C13orf46: variants seen among roughly 807,000 people sequenced by gnomAD.
C13orf46 encodes chromosome 13 open reading frame 46, also known as uncharacterized protein C13orf46.
intron 6 of C13orf46, among the ~76,000 whole-genome samples, chr13:113,963,065 C>A (rs2052600058): frequency 6.6e-6 from 1 of 152,228 alleles, no homozygotes; most frequent in South Asian, 2.1e-4. Flanking sequence ...CAGCAGCAAT[C>A]CGTCAGCAAA....
rs1221546655 is a variant in C13orf46 at position 113,956,759 on chromosome 13, C to T, written c.*14G>A. 6.6e-6 allele frequency: 1 copy of T among 152,420 alleles called. No individual in the cohort carries two copies. Among genetic ancestry groups the T allele is most frequent in the African/African-American group, 2.4e-5 (1 of 41,450 alleles). 9.4% of individuals were successfully genotyped at this position (152,420 alleles called of 1,614,324 possible). On this transcript the variant is annotated 3_prime_UTR_variant, in exon 7 of 7. Coordinates refer to ENST00000636427, the MANE Select transcript of C13orf46 (RefSeq NM_001365455.2). ...CCTCTTCTTCGCCAAGCTCTGAGCA[C>T]CCTCTCCGGGGCGCTAGGTGCTCTC...
the C13orf46 span, among the ~76,000 whole-genome samples, chr13:113,944,187 CTG>C: frequency 1.3e-5 from 2 of 152,142 alleles, no homozygotes; most frequent in South Asian, 4.1e-4. Context: ...GTCCTGGAGG[CTG>C]CCTTCCCCTC....
At chr13:113,963,647 GCCC>G in intron 6 of C13orf46, among the ~76,000 whole-genome samples, 1 of 65,506 alleles carries the variant, frequency 1.5e-5, no homozygotes, top group East Asian at 6.7e-4. Flanking sequence ...CCTCAGCCTC[GCCC>G]GTCCTCAGCC....
chr13:113,957,501 T>G (rs1421730699), intron 6 of C13orf46, among the ~76,000 whole-genome samples: 1 of 131,552 alleles, frequency 7.6e-6, no homozygotes, highest in Non-Finnish European at 1.6e-5. Flanking sequence ...GCACTCCACA[T>G]GCACCCCCTT....
At position 113,967,376 on chromosome 13, in the gene C13orf46, A is replaced by T. The variant is rs944510234; in HGVS notation, c.469T>A (p.Phe157Ile). Residue 157 changes from phenylalanine to isoleucine, a missense_variant, in exon 5 of 7, where the codon TTT (phenylalanine) becomes ATT (isoleucine). Coordinates refer to ENST00000636427, the MANE Select transcript of C13orf46 (RefSeq NM_001365455.2). ...DLQEEEKASV[F>I]VEIDLGDHAE... Reference sequence around the variant, plus strand: ...TGGTCTCCCAGATCAATCTCCACAAACACAGATGCTTTCTGCGAATGGAAA... The same window carrying T: ...TGGTCTCCCAGATCAATCTCCACAATCACAGATGCTTTCTGCGAATGGAAA... 6.6e-6 allele frequency: 1 copy of T among 152,282 alleles called. No homozygotes were observed. Among genetic ancestry groups the T allele is most frequent in the Admixed American group, 6.5e-5 (1 of 15,300 alleles). 9.4% of individuals were successfully genotyped at this position (152,282 alleles called of 1,614,324 possible). A position where few individuals can be genotyped will look rare whatever the true frequency, so the allele number is the denominator to read the frequency against.
At chr13:113,969,833 T>G (rs1485920769) in intron 2 of C13orf46, among the ~76,000 whole-genome samples, 1 of 152,098 alleles carries the variant, frequency 6.6e-6, no homozygotes, top group Non-Finnish European at 1.5e-5. Context: ...AGCAGTCCAC[T>G]AGTGAGACGA....
chr13:113,948,393 G>A, the C13orf46 span, among the ~76,000 whole-genome samples: 3 of 152,228 alleles, frequency 2.0e-5, no homozygotes, highest in Non-Finnish European at 2.9e-5. Context: ...AACAAGTGGT[G>A]GACATATACT....
At chr13:113,927,383 G>C in the C13orf46 span, 3 of 395,106 alleles carry the variant, frequency 7.6e-6, no homozygotes, top group South Asian at 4.3e-4. Flanking sequence ...TGCTCTGGAC[G>C]GCCAATCCAG....
chr13:113,963,371 T>C (rs2052605262), intron 6 of C13orf46, among the ~76,000 whole-genome samples: 1 of 59,318 alleles, frequency 1.7e-5, no homozygotes, highest in Admixed American at 2.3e-4. Context: ...GTCCTCAGCC[T>C]CTCCCGTCCT....
intron 1 of C13orf46, among the ~76,000 whole-genome samples, chr13:113,971,288 G>C (rs79491585): frequency 2.0e-4 from 31 of 152,330 alleles, no homozygotes; most frequent in African/African-American, 7.5e-4. Context: ...CCCAGAGCTC[G>C]GCAGAGTCAC....
the C13orf46 span, among the ~76,000 whole-genome samples, chr13:113,943,626 G>C: frequency 6.6e-6 from 1 of 152,190 alleles, no homozygotes; most frequent in Non-Finnish European, 1.5e-5. Flanking sequence ...CCCCGTTCCC[G>C]TCATGGCTGG....
At chr13:113,943,859 T>G in the C13orf46 span, among the ~76,000 whole-genome samples, 2 of 152,112 alleles carry the variant, frequency 1.3e-5, no homozygotes, top group Admixed American at 1.3e-4. Context: ...TGGAGGAGGC[T>G]CTCAGCAAAT....
chr13:113,945,616 GAAAGAAAGA>G, the C13orf46 span, among the ~76,000 whole-genome samples: 14 of 107,752 alleles, frequency 1.3e-4, 1 homozygote, highest in African/African-American at 3.9e-4. Context: ...AAGAAAGAAA[GAAAGAAAGA>G]AAGAAAGAAA....
chr13:113,965,759 TG>T, intron 5 of C13orf46, among the ~76,000 whole-genome samples: 1 of 19,784 alleles, frequency 5.1e-5, no homozygotes, highest in Admixed American at 4.7e-4. Flanking sequence ...ATGATGGTGA[TG>T]GTGATGATGG....
chr13:113,951,143 T>C (rs1312786243), downstream of C13orf46, among the ~76,000 whole-genome samples: 1 of 152,120 alleles, frequency 6.6e-6, no homozygotes, highest in Non-Finnish European at 1.5e-5. Context: ...GAGGTGATCA[T>C]CATAAGGGAC....
intron 1 of C13orf46, among the ~76,000 whole-genome samples, chr13:113,973,594 T>C (rs2052731848): frequency 6.6e-6 from 1 of 152,184 alleles, no homozygotes. Context: ...TGCTGATTGA[T>C]GCCCCACGCC....
intron 6 of C13orf46, among the ~76,000 whole-genome samples, chr13:113,961,286 A>G (rs1406252604): frequency 1.3e-5 from 2 of 151,994 alleles, no homozygotes; most frequent in Non-Finnish European, 2.9e-5. Flanking sequence ...TAAAAATTAC[A>G]TACATTTATA....
chr13:113,952,358 C>T (rs2052492613), downstream of C13orf46, among the ~76,000 whole-genome samples: 1 of 147,606 alleles, frequency 6.8e-6, no homozygotes, highest in Non-Finnish European at 1.5e-5. Flanking sequence ...CTCCCGCCTG[C>T]CCAGGGCCGC....
chr13:113,961,925 T>C (rs2052590105), intron 6 of C13orf46, among the ~76,000 whole-genome samples: 1 of 152,120 alleles, frequency 6.6e-6, no homozygotes, highest in Non-Finnish European at 1.5e-5. Flanking sequence ...GTGTGATCTG[T>C]GGCTACTCTG....
Sources: allele counts gnomAD v4.1 joint callset (sites outside exome capture counted in the v4.1 genomes callset), GRCh38; gene constraint gnomAD v4.1.1; transcripts MANE v1.5; gene names NCBI Gene and HGNC (gene_info 2026-07-23, HGNC 2026-07-21).